LHFPL2: variants seen among roughly 807,000 people sequenced by gnomAD.
LHFPL2 encodes the protein LHFPL tetraspan subfamily member 2 protein.
A neutral mutation model predicts 17.5 loss-of-function variants in LHFPL2; 7 were observed. That is an observed-to-expected ratio of 0.40 (90% CI 0.23 to 0.75). LHFPL2 has a LOEUF of 0.75. Among genes scored for constraint, LHFPL2 ranks in the 30% least tolerant of loss-of-function variants. The pLI, the probability that LHFPL2 is intolerant of heterozygous loss-of-function variation, is 0.37. For missense variants in LHFPL2, 241 were observed against 294.8 expected (o/e 0.82, Z 1.34); for synonymous variants, 134 against 116.2 (o/e 1.15, Z -0.99).
At chr5:78,580,168 T>C (rs1274679738) in intron 2 of LHFPL2, among the ~76,000 whole-genome samples, 3 of 152,236 alleles carry the variant, frequency 2.0e-5, no homozygotes, top group South Asian at 2.1e-4. Context: ...TGTCTGTTCA[T>C]GTCCTTCACC....
At chr5:78,505,384 C>T (rs1754901716) in intron 4 of LHFPL2, among the ~76,000 whole-genome samples, 1 of 152,086 alleles carries the variant, frequency 6.6e-6, no homozygotes, top group South Asian at 2.1e-4. Flanking sequence ...AGGAGAATCT[C>T]AGAAGCCACC....
At chr5:78,563,183 T>C (rs1756775243) in intron 3 of LHFPL2, among the ~76,000 whole-genome samples, 1 of 152,184 alleles carries the variant, frequency 6.6e-6, no homozygotes, top group Admixed American at 6.5e-5. Flanking sequence ...CCCAGTGTCA[T>C]CTAGCTGACA....
intron 4 of LHFPL2, among the ~76,000 whole-genome samples, chr5:78,492,842 C>A (rs1269337273): frequency 6.6e-6 from 1 of 152,224 alleles, no homozygotes; most frequent in Non-Finnish European, 1.5e-5. Context: ...CCACACGCTG[C>A]AACCTGGGCA....
chr5:78,587,817 C>T (rs1054352830), intron 2 of LHFPL2, among the ~76,000 whole-genome samples: 11 of 152,228 alleles, frequency 7.2e-5, no homozygotes, highest in African/African-American at 2.2e-4. Context: ...TCTTTATCGT[C>T]CCTACCACAC....
intron 3 of LHFPL2, among the ~76,000 whole-genome samples, chr5:78,544,746 TC>T (rs1185224488): frequency 7.9e-6 from 1 of 126,648 alleles, no homozygotes; most frequent in Non-Finnish European, 1.8e-5. Context: ...TCCCAGGCCA[TC>T]TTCTTACACA....
chr5:78,492,081 ATGT>A (rs1218409927), intron 4 of LHFPL2, among the ~76,000 whole-genome samples: 4 of 152,082 alleles, frequency 2.6e-5, no homozygotes, highest in Non-Finnish European at 5.9e-5. Context: ...TATGATGGGG[ATGT>A]TAATAGTCTT....
intron 3 of LHFPL2, among the ~76,000 whole-genome samples, chr5:78,556,682 T>C (rs763514242): frequency 1.3e-5 from 2 of 152,168 alleles, no homozygotes; most frequent in Non-Finnish European, 2.9e-5. Context: ...GACAGAATAC[T>C]GAAGATTTCT....
At chr5:78,490,727 A>G (rs1005563813) in intron 4 of LHFPL2, among the ~76,000 whole-genome samples, 3 of 136,712 alleles carry the variant, frequency 2.2e-5, no homozygotes, top group Middle Eastern at 3.4e-3. Context: ...CAGCCTGGCA[A>G]AAGAGTGAGA....
intron 3 of LHFPL2, among the ~76,000 whole-genome samples, chr5:78,547,014 T>TAAA (rs369689330): frequency 7.3e-6 from 1 of 137,652 alleles, no homozygotes. Context: ...ACTGTACTGG[T>TAAA]AAAAAAAAAA....
At chr5:78,599,939 C>A (rs1179559391) in intron 2 of LHFPL2, among the ~76,000 whole-genome samples, 1 of 152,104 alleles carries the variant, frequency 6.6e-6, no homozygotes, top group Non-Finnish European at 1.5e-5. Context: ...AGAGTCAAAT[C>A]TCTGACTACA....
Position 78,580,987 on chromosome 5 carries a change from T to C in LHFPL2, c.-244-16116A>G, listed in dbSNP as rs1314880408. Among the ~76,000 whole-genome samples, 4 of 152,346 alleles carry C rather than the reference T, an allele frequency of 2.6e-5. No homozygotes were observed. The East Asian group carries it at 7.7e-4, about 29-fold the overall frequency. On this transcript the variant is annotated intron_variant, in intron 2 of 4. Coordinates refer to ENST00000380345, the MANE Select transcript of LHFPL2 (RefSeq NM_005779.3). ...ATTCTTCCTACCCGTGAGCATAGAA[T>C]GTTCTTCCATTTGTTTGTATCCTCT...
intron 2 of LHFPL2, among the ~76,000 whole-genome samples, chr5:78,595,044 G>GT (rs1362563100): frequency 6.6e-6 from 1 of 152,152 alleles, no homozygotes; most frequent in Non-Finnish European, 1.5e-5. Context: ...TTTGTACCCT[G>GT]TGTGTTTCGA....
chr5:78,546,107 C>T (rs1011463514), intron 3 of LHFPL2, among the ~76,000 whole-genome samples: 1 of 152,210 alleles, frequency 6.6e-6, no homozygotes, highest in Non-Finnish European at 1.5e-5. Flanking sequence ...AGCCATTAAA[C>T]CCAAGCACAA....
intron 2 of LHFPL2, among the ~76,000 whole-genome samples, chr5:78,580,959 T>C (rs1561349516): frequency 6.6e-6 from 1 of 152,236 alleles, no homozygotes; most frequent in Non-Finnish European, 1.5e-5. Context: ...TTTCACGATA[T>C]TGATTCTTCC....
rs528859952 is a variant in LHFPL2 at position 78,505,189 on chromosome 5, G to A, written c.430+4595C>T. Among the ~76,000 whole-genome samples, 6 of 152,288 alleles carry A rather than the reference G, an allele frequency of 3.9e-5. No homozygotes were observed. In the South Asian group the frequency reaches 8.3e-4, roughly 21 times the overall value. Reference sequence around the variant, plus strand: ...GGATCTTTGCATTCTATGGTTTCACGATGGATTACATCCAGGTCACAACCT... The same window carrying A: ...GGATCTTTGCATTCTATGGTTTCACAATGGATTACATCCAGGTCACAACCT... On this transcript the variant is annotated intron_variant, in intron 4 of 4. Coordinates refer to ENST00000380345, the MANE Select transcript of LHFPL2 (RefSeq NM_005779.3).
At chr5:78,598,945 A>G (rs1250805973) in intron 2 of LHFPL2, among the ~76,000 whole-genome samples, 1 of 152,212 alleles carries the variant, frequency 6.6e-6, no homozygotes, top group Non-Finnish European at 1.5e-5. Context: ...TACCTGTACA[A>G]CACCTTCAAA....
At chr5:78,568,147 T>C (rs1449300588) in intron 2 of LHFPL2, among the ~76,000 whole-genome samples, 5 of 152,332 alleles carry the variant, frequency 3.3e-5, no homozygotes, top group South Asian at 4.1e-4. Flanking sequence ...TATGGGTTTT[T>C]ATTCACTTAC....
At chr5:78,608,175 T>C (rs569755468) in intron 2 of LHFPL2, among the ~76,000 whole-genome samples, 4 of 152,282 alleles carry the variant, frequency 2.6e-5, no homozygotes, top group African/African-American at 9.6e-5. Flanking sequence ...GAAAACATTC[T>C]AAAAGGAACC....
At chr5:78,624,742 G>C (rs1467995061) in intron 2 of LHFPL2, 1 of 151,904 alleles carries the variant, frequency 6.6e-6, no homozygotes, top group African/African-American at 2.4e-5. Flanking sequence ...TAAACAAACA[G>C]CAATGCTTTG....
Sources: allele counts gnomAD v4.1 joint callset (sites outside exome capture counted in the v4.1 genomes callset), GRCh38; gene constraint gnomAD v4.1.1; transcripts MANE v1.5; gene names NCBI Gene and HGNC (gene_info 2026-07-23, HGNC 2026-07-21).